PLEKHH2: variants seen among roughly 807,000 people sequenced by gnomAD.
PLEKHH2 encodes the protein pleckstrin homology, MyTH4 and FERM domain containing H2, also known as pleckstrin homology domain-containing family H member 2.
Under a neutral mutation model 187.9 loss-of-function variants are expected in PLEKHH2, and 129 were observed. The observed-to-expected ratio is 0.69, with a 90% CI of 0.59 to 0.79. The LOEUF is 0.79. Among genes scored for constraint, PLEKHH2 ranks in the 30% least tolerant of loss-of-function variants. The pLI is 0.00. For synonymous variants in PLEKHH2, 686 were observed against 605.6 expected (o/e 1.13, Z -1.95); for missense variants, 2,076 against 1,751.2 (o/e 1.19, Z -3.31).
intron 2 of PLEKHH2, among the ~76,000 whole-genome samples, chr2:43,672,687 G>T (rs1667548073): frequency 1.3e-5 from 2 of 152,172 alleles, no homozygotes; most frequent in South Asian, 4.1e-4. Flanking sequence ...TTCCCTCTAA[G>T]GGAGCAGAAT....
chr2:43,743,897 G>C lies in PLEKHH2; in HGVS notation c.3463G>C (p.Gly1155Arg), dbSNP rs1312106789. 6.2e-7 allele frequency: 1 copy of C among 1,613,978 alleles called. No individual in the cohort carries two copies. Among genetic ancestry groups the C allele is most frequent in the Non-Finnish European group, 8.5e-7 (1 of 1,179,970 alleles). Residue 1155 changes from glycine (G) to arginine (R), a missense_variant, in exon 23 of 30, where the codon GGA becomes CGA. Transcript: ENST00000282406. ...EFLNTLNQDTGMRKPAQSGFA... is the reference protein window; with the variant it reads ...EFLNTLNQDTRMRKPAQSGFA... ...TTTGAATACTTTGAACCAGGACACA[G>C]GAATGAGGAAACCAGCGCAGTCTGG...
chr2:43,697,916 A>G (rs1356055141), intron 7 of PLEKHH2, among the ~76,000 whole-genome samples: 1 of 152,088 alleles, frequency 6.6e-6, no homozygotes, highest in Non-Finnish European at 1.5e-5. Flanking sequence ...GGTCCTGTAT[A>G]CAGATTTCTA....
chr2:43,692,733 G>C (rs2104465030), intron 4 of PLEKHH2, 70 bp downstream of exon 4: 2 of 1,482,296 alleles, frequency 1.3e-6, no homozygotes, highest in South Asian at 1.2e-5. Context: ...AGATTAAAAA[G>C]AGAGAGCCTA....
At chr2:43,737,801 C>G (rs972875395) in intron 19 of PLEKHH2, among the ~76,000 whole-genome samples, 8 of 152,170 alleles carry the variant, frequency 5.3e-5, no homozygotes, top group African/African-American at 1.9e-4. Flanking sequence ...ACCAGTCACA[C>G]AGACCAACCC....
At chr2:43,711,608 C>T (rs1669967901) in intron 14 of PLEKHH2, 29 of 973,440 alleles carry the variant, frequency 3.0e-5, no homozygotes, top group Non-Finnish European at 3.5e-5. Context: ...AAGTAGGAAC[C>T]TGGCCGGGCG....
intron 16 of PLEKHH2, 33 bp downstream of exon 16, chr2:43,720,782 T>C: frequency 6.3e-7 from 1 of 1,583,552 alleles, no homozygotes. Flanking sequence ...CCAATTGAAG[T>C]AACTTTTTGT....
chr2:43,695,760 C>A (rs1002369938), intron 6 of PLEKHH2, among the ~76,000 whole-genome samples: 1 of 152,124 alleles, frequency 6.6e-6, no homozygotes, highest in African/African-American at 2.4e-5. Context: ...GACATGCACT[C>A]CAGAAGTCCA....
chr2:43,648,184 G>T lies in PLEKHH2; in HGVS notation c.123+3388G>T, dbSNP rs185413230. On this transcript the variant is annotated intron_variant, in intron 2 of 29. Coordinates refer to ENST00000282406, the MANE Select transcript of PLEKHH2 (RefSeq NM_172069.4). ...TTCCTGTGTCTTTCTGGTTTTTTTT[G>T]TTTGTTTGTTTGTTTGTTTTTTGAG... is the stretch of plus-strand genomic sequence containing the variant. 4.4e-3 allele frequency among the ~76,000 whole-genome samples: 675 copies of T among 151,696 alleles called. 6 individuals are homozygous for T. The highest frequency in any genetic ancestry group is 0.014 in the African/African-American group (592 of 41,328).
intron 1 of PLEKHH2, among the ~76,000 whole-genome samples, chr2:43,639,347 A>C (rs1477047136): frequency 6.6e-6 from 1 of 152,192 alleles, no homozygotes; most frequent in Non-Finnish European, 1.5e-5. Context: ...AAGGTTGTAT[A>C]GCCATCACCA....
chr2:43,678,969 CACAT>C lies in PLEKHH2; in HGVS notation c.186+46_186+49del, dbSNP rs777319567. 25 of 1,320,594 alleles carry C rather than the reference CACAT, an allele frequency of 1.9e-5. No homozygotes were observed. In the African/African-American group the frequency reaches 3.2e-4, roughly 17 times the overall value. 81.8% of individuals were successfully genotyped at this position (1,320,594 alleles called of 1,614,324 possible). A position where few individuals can be genotyped will look rare whatever the true frequency, so the allele number is the denominator to read the frequency against. On this transcript the variant is annotated intron_variant, in intron 3 of 29. Transcript: ENST00000282406. Reference sequence around the variant, plus strand: ...TTAAATTTTTTTTGCCTGTACTACTCACATAAAGATTGTTTTGCTCATAATGGAA... The same window carrying C: ...TTAAATTTTTTTTGCCTGTACTACTCAAAGATTGTTTTGCTCATAATGGAA...
At chr2:43,669,251 C>A (rs1377323415) in intron 2 of PLEKHH2, among the ~76,000 whole-genome samples, 1 of 152,000 alleles carries the variant, frequency 6.6e-6, no homozygotes, top group East Asian at 1.9e-4. Context: ...ATACTAGTAG[C>A]CAATAAACAT....
chr2:43,674,031 T>C (rs1667609434), intron 2 of PLEKHH2, among the ~76,000 whole-genome samples: 1 of 152,202 alleles, frequency 6.6e-6, no homozygotes, highest in Non-Finnish European at 1.5e-5. Context: ...CTGTCCTTCA[T>C]ATATGCATGG....
chr2:43,705,060 G>A (rs1397013073), intron 9 of PLEKHH2, among the ~76,000 whole-genome samples: 2 of 151,842 alleles, frequency 1.3e-5, no homozygotes, highest in Non-Finnish European at 2.9e-5. Flanking sequence ...AAATTCTTAT[G>A]GAAACAATGC....
chr2:43,711,332 G>C, intron 14 of PLEKHH2: 1 of 985,404 alleles, frequency 1.0e-6, no homozygotes, highest in Non-Finnish European at 1.2e-6. Flanking sequence ...ATCAAGGAAA[G>C]CTTTGTCTTT....
intron 15 of PLEKHH2, among the ~76,000 whole-genome samples, chr2:43,718,111 C>G (rs1042674260): frequency 6.6e-6 from 1 of 152,174 alleles, no homozygotes; most frequent in African/African-American, 2.4e-5. Flanking sequence ...TAGAAACTAC[C>G]TTTGTCATGG....
At chr2:43,750,629 C>T (rs971990156) in intron 24 of PLEKHH2, among the ~76,000 whole-genome samples, 11 of 152,194 alleles carry the variant, frequency 7.2e-5, no homozygotes, top group East Asian at 5.8e-4. Flanking sequence ...TGCATTCTTA[C>T]ATAATCCTTA....
At chr2:43,731,624 A>T in intron 19 of PLEKHH2, 22 bp downstream of exon 19, 1 of 1,416,866 alleles carries the variant, frequency 7.1e-7, no homozygotes, top group East Asian at 2.4e-5. Flanking sequence ...ATATGTTGTT[A>T]AATGATTTAA....
intron 15 of PLEKHH2, among the ~76,000 whole-genome samples, chr2:43,713,373 A>G (rs565616718): frequency 7.7e-4 from 117 of 152,310 alleles, no homozygotes; most frequent in African/African-American, 2.6e-3. Flanking sequence ...GATTCCTTGC[A>G]CAGCATGGTT....
intron 15 of PLEKHH2, among the ~76,000 whole-genome samples, chr2:43,715,709 G>C (rs1670179972): frequency 1.3e-5 from 2 of 152,302 alleles, no homozygotes; most frequent in African/African-American, 4.8e-5. Flanking sequence ...GCAGATAAGA[G>C]AGAGCTCAGG....
Sources: allele counts gnomAD v4.1 joint callset (sites outside exome capture counted in the v4.1 genomes callset), GRCh38; gene constraint gnomAD v4.1.1; transcripts MANE v1.5; gene names NCBI Gene and HGNC (gene_info 2026-07-23, HGNC 2026-07-21).